Variants in BEAN1 observed in about 807,000 individuals in gnomAD.
BEAN1 encodes protein BEAN1.
BEAN1 carries 17 observed loss-of-function variants against 17.7 expected under a neutral mutation model. The ratio of observed to expected loss-of-function variants is 0.96; its 90% confidence interval spans 0.66 to 1.44. BEAN1 has a LOEUF of 1.44. Among genes scored for constraint, BEAN1 ranks in the 40% most tolerant of loss-of-function variants. The pLI, the probability that BEAN1 is intolerant of heterozygous loss-of-function variation, is 0.00. For synonymous variants in BEAN1, 142 were observed against 151.8 expected (o/e 0.94, Z 0.47); for missense variants, 359 against 374.1 (o/e 0.96, Z 0.33).
chr16:66,448,160 T>G (rs1424925852), intron 2 of BEAN1, among the ~76,000 whole-genome samples: 1 of 152,192 alleles, frequency 6.6e-6, no homozygotes, highest in African/African-American at 2.4e-5. Context: ...TCTCTGAACA[T>G]CTACAGCAAG....
intron 2 of BEAN1, among the ~76,000 whole-genome samples, chr16:66,438,174 A>G (rs1160419956): frequency 2.6e-5 from 4 of 152,228 alleles, no homozygotes; most frequent in Admixed American, 2.0e-4. Flanking sequence ...ACCTCAGGTC[A>G]GGAGTTCGAG....
At chr16:66,484,191 A>G (rs536594601), downstream of BEAN1, 361 of 213,026 alleles carry the variant, frequency 1.7e-3, no homozygotes, top group Non-Finnish European at 2.5e-3. This position sits in a 1 kb window ranked among gnomAD's most constrained non-coding sequence, Gnocchi z 4.2. Flanking sequence ...ATCATTTTGC[A>G]TGCCCTCTGT....
chr16:66,441,152 G>A (rs929788856), intron 2 of BEAN1, among the ~76,000 whole-genome samples: 1 of 152,170 alleles, frequency 6.6e-6, no homozygotes, highest in Non-Finnish European at 1.5e-5. Context: ...CCGCACCACC[G>A]TGCTCAGTGC....
At chr16:66,479,386 C>T (rs1457428766) in intron 4 of BEAN1, among the ~76,000 whole-genome samples, 1 of 151,950 alleles carries the variant, frequency 6.6e-6, no homozygotes, top group Non-Finnish European at 1.5e-5. Context: ...GCCTCAGGCA[C>T]GAGGGGATGC....
intron 2 of BEAN1, among the ~76,000 whole-genome samples, chr16:66,465,035 T>G (rs1012858328): frequency 1.4e-4 from 22 of 152,232 alleles, no homozygotes; most frequent in African/African-American, 5.3e-4. Context: ...TGTGAGTCTT[T>G]CATAAATGCC....
At chr16:66,455,818 C>G (rs1160646796) in intron 2 of BEAN1, among the ~76,000 whole-genome samples, 1 of 152,108 alleles carries the variant, frequency 6.6e-6, no homozygotes, top group African/African-American at 2.4e-5. Flanking sequence ...TCCCAATTAG[C>G]TGGGACTACA....
chr16:66,490,452 A>AATAAAATAAAATAAAATAAAATAAG (rs1964159098), intron 4 of BEAN1, among the ~76,000 whole-genome samples: 1 of 136,492 alleles, frequency 7.3e-6, no homozygotes, highest in Non-Finnish European at 1.6e-5. Flanking sequence ...AATAAAATAA[A>AATAAAATAAAATAAAATAAAATAAG]ATAATAAAAT....
At chr16:66,431,181 A>T (rs1376465149) in intron 1 of BEAN1, among the ~76,000 whole-genome samples, 1 of 152,204 alleles carries the variant, frequency 6.6e-6, no homozygotes, top group Non-Finnish European at 1.5e-5. Context: ...TTTCCTTGAG[A>T]ACACCCCGGC....
At chr16:66,463,134 T>C (rs1408074505) in intron 2 of BEAN1, among the ~76,000 whole-genome samples, 2 of 152,222 alleles carry the variant, frequency 1.3e-5, no homozygotes, top group African/African-American at 4.8e-5. Context: ...TGTGGACTTA[T>C]GTTTCCATTT....
intron 3 of BEAN1, among the ~76,000 whole-genome samples, chr16:66,474,636 GGGA>G: frequency 1.5e-5 from 1 of 66,184 alleles, no homozygotes; most frequent in Non-Finnish European, 3.2e-5. Context: ...GAGGGAGGGA[GGGA>G]GGGAGGGAGG....
At chr16:66,470,044 T>G (rs1963418026) in intron 3 of BEAN1, 179 bp downstream of exon 3, 6 of 848,946 alleles carry the variant, frequency 7.1e-6, no homozygotes, top group Non-Finnish European at 1.1e-5. Context: ...CTCGGTGACA[T>G]GAGAGGCCCG....
chr16:66,434,984 C>G lies in BEAN1; in HGVS notation c.-82-2611C>G, dbSNP rs920349112. Reference sequence around the variant, plus strand: ...ATCCGGAGTTGTCCTGGAAGGGCACCCAGGTGTGACAGAAACACAGCCAGA... The same window carrying G: ...ATCCGGAGTTGTCCTGGAAGGGCACGCAGGTGTGACAGAAACACAGCCAGA... On this transcript the variant is annotated intron_variant, in intron 1 of 4. Transcript: ENST00000536005. This position sits in a 1 kb window ranked among gnomAD's most constrained non-coding sequence, Gnocchi z 4.3. 3.3e-5 allele frequency among the ~76,000 whole-genome samples: 5 copies of G among 152,108 alleles called. No individual in the cohort carries two copies. Among genetic ancestry groups the G allele is most frequent in the Non-Finnish European group, 7.4e-5 (5 of 68,022 alleles).
chr16:66,493,270 T>C, exon 5 of BEAN1: 1 of 702,798 alleles, frequency 1.4e-6, no homozygotes. Flanking sequence ...TCGAGGGGGT[T>C]CAGCCAGGCC....
intron 2 of BEAN1, among the ~76,000 whole-genome samples, chr16:66,465,614 T>C (rs867038094): frequency 1.4e-4 from 21 of 152,378 alleles, no homozygotes; most frequent in Middle Eastern, 3.4e-3. Context: ...TCCAGAACTC[T>C]TCTCATCATC....
At chr16:66,486,459 T>G (rs991326350), downstream of BEAN1, among the ~76,000 whole-genome samples, 1 of 152,186 alleles carries the variant, frequency 6.6e-6, no homozygotes, top group African/African-American at 2.4e-5. Context: ...CTCACCATGT[T>G]GGCCAGGCTG....
chr16:66,455,799 A>C (rs998004286), intron 2 of BEAN1, among the ~76,000 whole-genome samples: 1 of 151,060 alleles, frequency 6.6e-6, no homozygotes, highest in Non-Finnish European at 1.5e-5. Flanking sequence ...TGATCCTCCC[A>C]CCTCAGCCTC....
intron 1 of BEAN1, among the ~76,000 whole-genome samples, chr16:66,430,829 T>C (rs1432101506): frequency 6.6e-6 from 1 of 152,256 alleles, no homozygotes; most frequent in Non-Finnish European, 1.5e-5. Flanking sequence ...TTTTGTTCAC[T>C]ATATCCTCAG....
chr16:66,435,807 T>G (rs1961992322), intron 1 of BEAN1, among the ~76,000 whole-genome samples: 1 of 152,162 alleles, frequency 6.6e-6, no homozygotes, highest in African/African-American at 2.4e-5. Context: ...GTTTTTCTAT[T>G]TAACGTGAAT....
At chr16:66,466,303 C>T (rs1436086659) in intron 2 of BEAN1, among the ~76,000 whole-genome samples, 1 of 152,122 alleles carries the variant, frequency 6.6e-6, no homozygotes, top group Admixed American at 6.5e-5. Context: ...AAAACAACAA[C>T]AACAACAAAA....
Sources: allele counts gnomAD v4.1 joint callset (sites outside exome capture counted in the v4.1 genomes callset), GRCh38; gene constraint gnomAD v4.1.1; non-coding constraint Gnocchi (gnomAD v3.1); transcripts MANE v1.5; gene names NCBI Gene and HGNC (gene_info 2026-07-23, HGNC 2026-07-21).